PHF11: variants seen among roughly 807,000 people sequenced by gnomAD.
PHF11 encodes BRCA1 C-terminus-associated protein.
Under a neutral mutation model 40.5 loss-of-function variants are expected in PHF11, and 38 were observed. The ratio of observed to expected loss-of-function variants is 0.94; its 90% CI spans 0.72 to 1.23. PHF11 has a LOEUF of 1.23. Ranked by LOEUF, PHF11 falls within the 50% of genes most tolerant of loss-of-function variation. The probability of loss-of-function intolerance (pLI) is 0.00; values close to 1 mark genes in which losing one functional copy is unlikely to be tolerated. For synonymous variants in PHF11, 127 were observed against 138.2 expected, an observed-to-expected ratio of 0.92 and a Z score of 0.57; for missense variants, 369 against 392.4, an observed-to-expected ratio of 0.94 and a Z score of 0.50.
At chr13:49,497,174 A>C in intron 1 of PHF11, 3 of 1,289,668 alleles carry the variant, frequency 2.3e-6, no homozygotes, top group Non-Finnish European at 3.0e-6. Context: ...CCACAAGCCA[A>C]TCAGTTGGAT....
chr13:49,526,495 T>A (rs200886925), intron 9 of PHF11, 37 bp downstream of exon 9: 2 of 1,023,366 alleles, frequency 2.0e-6, no homozygotes, highest in Non-Finnish European at 3.1e-6. Context: ...AGCATAGTTT[T>A]GAGAAATATT....
At chr13:49,502,880 G>A (rs536384481) in intron 1 of PHF11, among the ~76,000 whole-genome samples, 7 of 151,916 alleles carry the variant, frequency 4.6e-5, no homozygotes, top group African/African-American at 1.4e-4. Context: ...GCACCACCAC[G>A]CCTAGCTAAT....
intron 3 of PHF11, among the ~76,000 whole-genome samples, chr13:49,517,309 T>C (rs1959165929): frequency 6.6e-6 from 1 of 152,220 alleles, no homozygotes; most frequent in Admixed American, 6.5e-5. Context: ...AGCCAGAGTA[T>C]CATGCTGATC....
chr13:49,528,396 C>T (rs1959400995), intron 9 of PHF11, 115 bp from the exon 10 acceptor site: 1 of 705,510 alleles, frequency 1.4e-6, no homozygotes, highest in Non-Finnish European at 2.3e-6. Context: ...TCCTTTTCAC[C>T]AGAGGCACGA....
chr13:49,521,413 C>T (rs1355926048), intron 5 of PHF11: 1 of 986,776 alleles, frequency 1.0e-6, no homozygotes, highest in Non-Finnish European at 1.2e-6. Context: ...AGTGTCTTAG[C>T]AGCACTACAT....
intron 4 of PHF11, among the ~76,000 whole-genome samples, chr13:49,519,128 C>T (rs1401006466): frequency 6.6e-6 from 1 of 152,160 alleles, no homozygotes; most frequent in Non-Finnish European, 1.5e-5. Flanking sequence ...AGCCACCGCG[C>T]CCGGGCTAAA....
intron 3 of PHF11, among the ~76,000 whole-genome samples, chr13:49,516,900 T>G (rs1959162923): frequency 6.6e-6 from 1 of 152,156 alleles, no homozygotes; most frequent in Admixed American, 6.5e-5. Flanking sequence ...GAGTTTTCAT[T>G]TGTGGCTTCT....
chr13:49,527,432 C>T (rs1252042871), intron 9 of PHF11: 1 of 152,184 alleles, frequency 6.6e-6, no homozygotes, highest in East Asian at 1.9e-4. Flanking sequence ...ATAAGATTTC[C>T]CTGTGAAGAA....
At chr13:49,506,832 C>CAAAGAA (rs1424360304) in intron 2 of PHF11, 76 bp downstream of exon 2, 74 of 919,020 alleles carry the variant, frequency 8.1e-5, no homozygotes, top group Non-Finnish European at 1.1e-4. Context: ...ATAAACAACA[C>CAAAGAA]TTTGGACACA....
chr13:49,526,594 A>G, intron 9 of PHF11, 136 bp downstream of exon 9: 1 of 655,990 alleles, frequency 1.5e-6, no homozygotes, highest in Non-Finnish European at 2.7e-6. Flanking sequence ...AAAGCCAATT[A>G]CAAAAACAGT....
chr13:49,525,831 G>C (rs917711928), intron 8 of PHF11: 2 of 456,022 alleles, frequency 4.4e-6, no homozygotes, highest in Non-Finnish European at 8.8e-6. Flanking sequence ...TGAGGACACA[G>C]ATAGCTGGGC....
chr13:49,506,460 T>TA (rs1163035722), intron 1 of PHF11, among the ~76,000 whole-genome samples, 175 bp from the exon 2 acceptor site: 2 of 152,090 alleles, frequency 1.3e-5, no homozygotes, highest in African/African-American at 4.8e-5. Flanking sequence ...ATTAGCATAG[T>TA]AAAAAATAAA....
chr13:49,526,404 A>G lies in PHF11; in HGVS notation c.787A>G (p.Ser263Gly). The G allele has an allele frequency of 6.2e-7, 1 of 1,604,886 alleles. No individual in the cohort carries two copies. Among genetic ancestry groups the G allele is most frequent in the Non-Finnish European group, 8.5e-7 (1 of 1,171,606 alleles). ...TSESDYEEIG[S>G]ALFDCRLFED... is the part of the protein sequence containing the mutation. ...CCCTCCAGACTATGAAGAAATCGGG[A>G]GTGCACTTTTTGACTGTAGATTGTT... Residue 263 changes from serine to glycine, a missense_variant, in exon 9 of 10, where the codon AGT becomes GGT. Coordinates refer to ENST00000378319, the MANE Select transcript of PHF11 (RefSeq NM_001040443.3).
chr13:49,502,994 G>T (rs757399040), intron 1 of PHF11, among the ~76,000 whole-genome samples: 12 of 152,112 alleles, frequency 7.9e-5, no homozygotes, highest in Non-Finnish European at 1.3e-4. Context: ...AAAGTGCAGG[G>T]ATTACAGGCG....
intron 1 of PHF11, among the ~76,000 whole-genome samples, chr13:49,499,217 G>A (rs2139025483): frequency 1.3e-5 from 2 of 152,330 alleles, no homozygotes; most frequent in South Asian, 4.1e-4. Flanking sequence ...TAAGAAACCA[G>A]CCCAATCTGA....
chr13:49,506,453 A>T lies in PHF11; in HGVS notation c.95-182A>T, dbSNP rs533566831. Among the ~76,000 whole-genome samples the T allele has an allele frequency of 3.3e-5, 5 of 152,306 alleles. No homozygotes were observed. In the South Asian group the frequency reaches 6.2e-4, roughly 19 times the overall value. The stretch of plus-strand genomic sequence containing the variant: ...AACTCATTAATTCTTTTCTTCTATT[A>T]GCATAGTAAAAAATAAAAAATAAAT... On this transcript the variant is annotated intron_variant, in intron 1 of 9. Coordinates refer to ENST00000378319, the MANE Select transcript of PHF11 (RefSeq NM_001040443.3).
intron 4 of PHF11, chr13:49,518,946 C>T (rs964863176): frequency 6.6e-6 from 1 of 151,130 alleles, no homozygotes; most frequent in Admixed American, 6.6e-5. Flanking sequence ...CGCCATTCTC[C>T]TGCCTCAGCC....
At chr13:49,497,807 G>T (rs187773925) in intron 1 of PHF11, among the ~76,000 whole-genome samples, 2 of 152,214 alleles carry the variant, frequency 1.3e-5, no homozygotes, top group East Asian at 3.9e-4. Flanking sequence ...CTGCTACCTT[G>T]TAGGTCCTCT....
chr13:49,510,613 G>A (rs529181894), intron 2 of PHF11, among the ~76,000 whole-genome samples: 41 of 152,166 alleles, frequency 2.7e-4, no homozygotes, highest in African/African-American at 8.7e-4. Context: ...CTACAAGCAC[G>A]TACCACCATA....
Sources: gnomAD v4.1 joint callset for allele counts (sites outside exome capture counted in the v4.1 genomes callset) on GRCh38, gnomAD v4.1.1 for gene constraint, MANE v1.5 for transcripts, NCBI Gene and HGNC (gene_info 2026-07-23, HGNC 2026-07-21) for gene names.